LGSN: variants seen among roughly 807,000 people sequenced by gnomAD.
The protein encoded by LGSN is lengsin.
In LGSN, 21 loss-of-function variants were observed where a neutral mutation model predicts 19.5. The observed-to-expected ratio is 1.07, with a 90% CI of 0.76 to 1.55. The LOEUF is 1.55. Ranked by LOEUF, LGSN falls within the 40% of genes most tolerant of loss-of-function variation. LGSN has a pLI of 0.00. For synonymous variants in LGSN, 257 were observed against 215.6 expected (o/e 1.19, Z -1.68); for missense variants, 673 against 608.5 (o/e 1.11, Z -1.12).
the LGSN span, among the ~76,000 whole-genome samples, chr6:63,471,023 T>A: frequency 6.8e-6 from 1 of 146,960 alleles, no homozygotes; most frequent in Non-Finnish European, 1.5e-5. Context: ...TCACTGCAAC[T>A]TCCGCCTCCC....
At chr6:63,325,469 C>T in the LGSN span, among the ~76,000 whole-genome samples, 2 of 152,148 alleles carry the variant, frequency 1.3e-5, no homozygotes, top group Non-Finnish European at 2.9e-5. Context: ...CAATTATACA[C>T]TAACAAACTG....
chr6:63,560,525 C>T, the LGSN span, among the ~76,000 whole-genome samples: 1 of 151,506 alleles, frequency 6.6e-6, no homozygotes, highest in African/African-American at 2.4e-5. Context: ...GCCTCAGCCA[C>T]CCTAGCTGGC....
chr6:63,431,894 C>T, the LGSN span, among the ~76,000 whole-genome samples: 1 of 150,980 alleles, frequency 6.6e-6, no homozygotes, highest in Non-Finnish European at 1.5e-5. Flanking sequence ...TGTTATAAAC[C>T]CGACTCTACT....
the LGSN span, among the ~76,000 whole-genome samples, chr6:63,557,162 G>A: frequency 6.6e-6 from 1 of 152,198 alleles, no homozygotes; most frequent in Non-Finnish European, 1.5e-5. Context: ...TTTAAAAAAT[G>A]ATTATCATCA....
At chr6:63,323,534 T>C (rs1023518108), upstream of LGSN, among the ~76,000 whole-genome samples, 1 of 146,948 alleles carries the variant, frequency 6.8e-6, no homozygotes, top group Non-Finnish European at 1.5e-5. Context: ...TATCTACAAA[T>C]TCTTGAGAGC....
At chr6:63,419,045 G>A in the LGSN span, among the ~76,000 whole-genome samples, 1 of 152,202 alleles carries the variant, frequency 6.6e-6, no homozygotes, top group Middle Eastern at 3.4e-3. Flanking sequence ...TAGGTAATGA[G>A]GCCACCCTTG....
At chr6:63,518,978 T>C in the LGSN span, among the ~76,000 whole-genome samples, 1 of 152,278 alleles carries the variant, frequency 6.6e-6, no homozygotes, top group East Asian at 1.9e-4. Context: ...CATATTAATA[T>C]CACTGTAGTA....
the LGSN span, among the ~76,000 whole-genome samples, chr6:63,539,335 A>T: frequency 1.3e-5 from 2 of 152,224 alleles, no homozygotes; most frequent in African/African-American, 2.4e-5. Context: ...AGGATTAAAC[A>T]TTACAATGCA....
chr6:63,351,416 TGA>T, the LGSN span, among the ~76,000 whole-genome samples: 30 of 147,532 alleles, frequency 2.0e-4, no homozygotes, highest in Non-Finnish European at 2.6e-4. Flanking sequence ...TCTGTGTGTG[TGA>T]GAGAGAGAGA....
the LGSN span, among the ~76,000 whole-genome samples, chr6:63,563,214 T>A: frequency 6.6e-6 from 1 of 152,186 alleles, no homozygotes; most frequent in Admixed American, 6.5e-5. Context: ...TAAAACAAAT[T>A]TCCTGATATG....
chr6:63,519,213 G>A, the LGSN span, among the ~76,000 whole-genome samples: 2 of 151,966 alleles, frequency 1.3e-5, no homozygotes, highest in Admixed American at 6.6e-5. Flanking sequence ...AGGCTGTGGC[G>A]GGAGAATCAC....
At chr6:63,526,634 CCT>C in the LGSN span, among the ~76,000 whole-genome samples, 1 of 151,408 alleles carries the variant, frequency 6.6e-6, no homozygotes, top group African/African-American at 2.4e-5. Flanking sequence ...ATGGTGAAAC[CCT>C]GTCTCTACTA....
the LGSN span, among the ~76,000 whole-genome samples, chr6:63,540,536 G>T: frequency 6.6e-6 from 1 of 151,782 alleles, no homozygotes; most frequent in Non-Finnish European, 1.5e-5. Context: ...CATGAGAATC[G>T]CTTGAACCCA....
chr6:63,440,308 T>C, the LGSN span, among the ~76,000 whole-genome samples: 1 of 152,096 alleles, frequency 6.6e-6, no homozygotes, highest in Admixed American at 6.6e-5. Context: ...TTCAGGCCGT[T>C]TGTAGGTGGA....
At chr6:63,440,500 G>T in the LGSN span, among the ~76,000 whole-genome samples, 37 of 152,236 alleles carry the variant, frequency 2.4e-4, no homozygotes, top group African/African-American at 8.7e-4. Flanking sequence ...TTGAGAACCC[G>T]GTTTTTCTAC....
At chr6:63,334,936 A>G in the LGSN span, among the ~76,000 whole-genome samples, 6 of 152,070 alleles carry the variant, frequency 3.9e-5, no homozygotes, top group Admixed American at 3.3e-4. Context: ...CAGGGGTTGA[A>G]GACCAGCCTG....
intron 1 of LGSN, among the ~76,000 whole-genome samples, chr6:63,314,772 T>C (rs1477437062): frequency 2.0e-5 from 3 of 152,132 alleles, no homozygotes; most frequent in East Asian, 3.9e-4. Context: ...GGAAATTGTT[T>C]CACATAGTTA....
chr6:63,555,683 A>C, the LGSN span, among the ~76,000 whole-genome samples: 222 of 150,956 alleles, frequency 1.5e-3, no homozygotes, highest in African/African-American at 4.9e-3. Context: ...TTCACTTCTC[A>C]ATTACACTCT....
upstream of LGSN, among the ~76,000 whole-genome samples, chr6:63,322,994 T>C (rs113746178): frequency 1.4e-4 from 21 of 152,226 alleles, no homozygotes; most frequent in Non-Finnish European, 2.6e-4. Flanking sequence ...AAAATTATTT[T>C]GTAAAGTTGA....
Sources: gnomAD v4.1 joint callset for allele counts (sites outside exome capture counted in the v4.1 genomes callset) on GRCh38, gnomAD v4.1.1 for gene constraint, MANE v1.5 for transcripts, NCBI Gene and HGNC (gene_info 2026-07-23, HGNC 2026-07-21) for gene names.